Variants in MAPRE3 observed in about 807,000 individuals in gnomAD.
MAPRE3 encodes microtubule-associated protein RP/EB family member 3.
In MAPRE3, 2 loss-of-function variants were observed where a neutral mutation model predicts 30.5. The ratio of observed to expected loss-of-function variants is 0.07; its 90% CI spans 0.03 to 0.21. The LOEUF (loss-of-function observed/expected upper bound fraction) is 0.21. Ranked by LOEUF, MAPRE3 falls within the 10% of genes least tolerant of loss-of-function variation. The pLI is 1.00. For missense variants in MAPRE3, 204 were observed against 351.8 expected (o/e 0.58, Z 3.36); for synonymous variants, 110 against 127.7 (o/e 0.86, Z 0.93).
chr2:26,976,851 T>A (rs1666024280), intron 1 of MAPRE3, among the ~76,000 whole-genome samples: 2 of 152,208 alleles, frequency 1.3e-5, no homozygotes, highest in African/African-American at 2.4e-5. Flanking sequence ...AGGATGTATA[T>A]CCTTAGACCA....
chr2:27,019,095 T>C (rs1667055287), intron 1 of MAPRE3, among the ~76,000 whole-genome samples: 1 of 151,836 alleles, frequency 6.6e-6, no homozygotes, highest in Admixed American at 6.6e-5. Flanking sequence ...GGTTTTGCCA[T>C]GTTGGCCAGG....
Position 27,024,170 on chromosome 2 carries a change from C to A in MAPRE3, c.342C>A (p.Phe114Leu), listed in dbSNP as rs373095267. 1.9e-6 allele frequency: 3 copies of A among 1,614,076 alleles called. No individual in the cohort carries two copies. Among genetic ancestry groups the A allele is most frequent in the African/African-American group, 2.7e-5 (2 of 74,942 alleles). ...AGTTTATTCAGTGGTTTAAGAAATT[C>A]TTTGACGCAAACTATGATGGAAAGG... ...NFEFIQWFKK[F>L]FDANYDGKDY... is the part of the protein sequence containing the mutation. The change falls in exon 4 of 7, where the codon TTC (phenylalanine) becomes TTA (leucine). Residue 114 changes from phenylalanine (F) to leucine (L), a missense_variant. This residue lies in a region of MAPRE3 where 101 missense variants were observed against 205.4 expected (regional missense o/e 0.49). Coordinates refer to ENST00000233121, the MANE Select transcript of MAPRE3 (RefSeq NM_012326.4).
At chr2:27,007,024 C>A (rs4665935) in intron 1 of MAPRE3, among the ~76,000 whole-genome samples, 56,938 of 151,536 alleles carry the variant, frequency 0.38, 10,932 homozygotes, top group Admixed American at 0.51. Flanking sequence ...GAATTTATAT[C>A]CTGTCTTTAG....
chr2:26,991,561 G>A (rs972306197), intron 1 of MAPRE3, among the ~76,000 whole-genome samples: 1 of 152,198 alleles, frequency 6.6e-6, no homozygotes, highest in Non-Finnish European at 1.5e-5. Context: ...AGCTGTGTCT[G>A]CCTGCCCCGA....
At position 26,972,617 on chromosome 2, in the gene MAPRE3, G is replaced by T. The variant is rs187898533; in HGVS notation, c.-8+1815G>T. ...TGTCACATAGCTCACCAAAATACCC[G>T]AGCAGGGCAGGAGCAGACAGCTGTA... is the stretch of plus-strand genomic sequence containing the variant. On this transcript the variant is annotated intron_variant, in intron 1 of 6. Transcript: ENST00000233121. Among the ~76,000 whole-genome samples the T allele has an allele frequency of 1.8e-4, 27 of 152,296 alleles. 1 individual carries two copies. Among genetic ancestry groups the T allele is most frequent in the African/African-American group, 6.3e-4 (26 of 41,576 alleles).
At chr2:26,998,424 G>A (rs1437366573) in intron 1 of MAPRE3, among the ~76,000 whole-genome samples, 1 of 152,174 alleles carries the variant, frequency 6.6e-6, no homozygotes, top group Non-Finnish European at 1.5e-5. Flanking sequence ...CAAGCCCAGA[G>A]GGGAGGAATA....
At chr2:26,998,847 A>G (rs1666523395) in intron 1 of MAPRE3, among the ~76,000 whole-genome samples, 2 of 152,222 alleles carry the variant, frequency 1.3e-5, no homozygotes, top group South Asian at 2.1e-4. Context: ...CAAACCTTAT[A>G]TCTTCTGCCA....
chr2:27,002,318 A>G (rs1199415892), intron 1 of MAPRE3, among the ~76,000 whole-genome samples: 2 of 152,192 alleles, frequency 1.3e-5, no homozygotes, highest in Non-Finnish European at 2.9e-5. Context: ...AAACATGCTA[A>G]TATCTAAAGT....
chr2:27,010,319 C>T (rs931281791), intron 1 of MAPRE3, among the ~76,000 whole-genome samples: 3 of 152,130 alleles, frequency 2.0e-5, no homozygotes, highest in African/African-American at 4.8e-5. Flanking sequence ...GATCGTGAGT[C>T]GCACTCATGG....
intron 1 of MAPRE3, among the ~76,000 whole-genome samples, chr2:26,972,418 G>A (rs990553494): frequency 1.3e-5 from 2 of 152,202 alleles, no homozygotes; most frequent in African/African-American, 2.4e-5. Flanking sequence ...TAGCCAAGAC[G>A]GCTGTCGCCC....
At chr2:27,010,706 G>T (rs1200514356) in intron 1 of MAPRE3, among the ~76,000 whole-genome samples, 1 of 152,088 alleles carries the variant, frequency 6.6e-6, no homozygotes, top group Non-Finnish European at 1.5e-5. Context: ...GCCTCCCAAA[G>T]TGCTGGGATT....
chr2:27,026,081 A>C, intron 6 of MAPRE3, 49 bp downstream of exon 6: 1 of 1,606,618 alleles, frequency 6.2e-7, no homozygotes, highest in Non-Finnish European at 8.5e-7. Context: ...GCCTGGCCCT[A>C]AGACCAGAAG....
intron 1 of MAPRE3, among the ~76,000 whole-genome samples, chr2:26,973,788 C>T (rs891366213): frequency 2.0e-5 from 3 of 152,154 alleles, no homozygotes; most frequent in Non-Finnish European, 2.9e-5. Flanking sequence ...ATCTCCTGAC[C>T]TCATGATCCA....
rs140342475 is a variant in MAPRE3, at chr2:27,002,776, T to G, written c.-7-19436T>G. 95 of 152,376 alleles carry G rather than the reference T, an allele frequency of 6.2e-4. 1 individual carries two copies. Among genetic ancestry groups the G allele is most frequent in the African/African-American group, 2.1e-3 (89 of 41,582 alleles). 9.4% of individuals were successfully genotyped at this position (152,376 alleles called of 1,614,324 possible). A position where few individuals can be genotyped will look rare whatever the true frequency, so the allele number is the denominator to read the frequency against. Reference sequence around the variant, plus strand: ...CATGCACCTCGCTCATCTATTCTTGTTTTGAAAGTCCTTTCTGCCACTGTG... The same window carrying G: ...CATGCACCTCGCTCATCTATTCTTGGTTTGAAAGTCCTTTCTGCCACTGTG... On this transcript the variant is annotated intron_variant, in intron 1 of 6. Coordinates refer to ENST00000233121, the MANE Select transcript of MAPRE3 (RefSeq NM_012326.4).
intron 1 of MAPRE3, among the ~76,000 whole-genome samples, chr2:27,005,737 GTAT>G (rs1215420322): frequency 1.3e-5 from 2 of 152,208 alleles, no homozygotes; most frequent in African/African-American, 4.8e-5. Flanking sequence ...AGGAGTCAAA[GTAT>G]TATTATAATG....
intron 1 of MAPRE3, among the ~76,000 whole-genome samples, chr2:26,984,094 C>A (rs1666169779): frequency 6.6e-6 from 1 of 152,196 alleles, no homozygotes. Context: ...CATGCATTAG[C>A]TTTCCCATGA....
At chr2:27,025,494 C>A in intron 4 of MAPRE3, 89 bp from the exon 5 acceptor site, 2 of 1,366,272 alleles carry the variant, frequency 1.5e-6, no homozygotes, top group Non-Finnish European at 2.0e-6. Context: ...GTCGCATGGG[C>A]CTGCCCCCGC....
At chr2:27,023,663 C>T (rs1667162266) in intron 3 of MAPRE3, 186 bp downstream of exon 3, 1 of 647,234 alleles carries the variant, frequency 1.5e-6, no homozygotes. Context: ...CAACACTTGC[C>T]ATGCCATCAT....
chr2:26,983,230 G>A (rs1666151330), intron 1 of MAPRE3, among the ~76,000 whole-genome samples: 1 of 152,150 alleles, frequency 6.6e-6, no homozygotes, highest in African/African-American at 2.4e-5. Context: ...TTTCCGAAGG[G>A]TGCATTTCCC....
Sources: gnomAD v4.1 joint callset for allele counts (sites outside exome capture counted in the v4.1 genomes callset) on GRCh38, gnomAD v4.1.1 for gene constraint, gnomAD v4.1.1 regional missense constraint, MANE v1.5 for transcripts, NCBI Gene and HGNC (gene_info 2026-07-23, HGNC 2026-07-21) for gene names.